The following AIM2 variants were observed in gnomAD, a reference collection of about 807,000 sequenced individuals.
The protein encoded by AIM2 is interferon-inducible protein AIM2.
A neutral mutation model predicts 27.7 loss-of-function variants in AIM2; 30 were observed. The ratio of observed to expected loss-of-function variants is 1.08; its 90% CI spans 0.81 to 1.47. AIM2 has a LOEUF of 1.47. AIM2 is among the 40% of genes most tolerant of loss of function. The probability of loss-of-function intolerance (pLI) is 0.00; values close to 1 mark genes in which losing one functional copy is unlikely to be tolerated. For missense variants in AIM2, 358 were observed against 411.3 expected, an observed-to-expected ratio of 0.87 and a Z score of 1.12; for synonymous variants, 141 against 145.3, an observed-to-expected ratio of 0.97 and a Z score of 0.21.
At chr1:159,073,157 C>A in intron 2 of AIM2, 81 bp downstream of exon 2, 1 of 1,547,046 alleles carries the variant, frequency 6.5e-7, no homozygotes, top group South Asian at 1.2e-5. Context: ...CACTGGGGGT[C>A]ATATCCCAGG....
At chr1:159,141,607 T>C (rs1408974826), upstream of AIM2, among the ~76,000 whole-genome samples, 2 of 152,050 alleles carry the variant, frequency 1.3e-5, no homozygotes, top group Non-Finnish European at 2.9e-5. Flanking sequence ...ACCTGCCAGG[T>C]GACCATCTCT....
At chr1:159,134,441 T>C (rs1219095055) in intron 1 of AIM2, among the ~76,000 whole-genome samples, 1 of 152,264 alleles carries the variant, frequency 6.6e-6, no homozygotes, top group East Asian at 1.9e-4. Flanking sequence ...AGAAAAAGCT[T>C]ACAGGGAATA....
chr1:159,131,654 C>A (rs970063362), intron 1 of AIM2, among the ~76,000 whole-genome samples: 1 of 152,138 alleles, frequency 6.6e-6, no homozygotes, highest in African/African-American at 2.4e-5. Flanking sequence ...AAGACATATT[C>A]ATTTCAGTTG....
intron 1 of AIM2, among the ~76,000 whole-genome samples, chr1:159,134,780 T>G (rs1446797438): frequency 1.3e-5 from 2 of 152,122 alleles, no homozygotes; most frequent in African/African-American, 4.8e-5. Context: ...TGCAGTGAGC[T>G]GAGATCGCGA....
chr1:159,101,194 C>G (rs2814760), intron 1 of AIM2, among the ~76,000 whole-genome samples: 28 of 149,990 alleles, frequency 1.9e-4, no homozygotes, highest in East Asian at 1.2e-3. Flanking sequence ...GGGCAGGGGG[C>G]GGGGGTGGTT....
chr1:159,137,387 TG>T, intron 1 of AIM2, among the ~76,000 whole-genome samples: 1 of 152,164 alleles, frequency 6.6e-6, no homozygotes, highest in Non-Finnish European at 1.5e-5. Context: ...CTGGGCGTGG[TG>T]GCTCACACCT....
chr1:159,142,729 T>C (rs1648137957), upstream of AIM2, among the ~76,000 whole-genome samples: 1 of 152,196 alleles, frequency 6.6e-6, no homozygotes, highest in Non-Finnish European at 1.5e-5. Context: ...AAGCCTCTCA[T>C]AGAAGACAAT....
rs560607485 is a variant in AIM2, at chr1:159,107,306, A to G, written c.-16+33125T>C. 1.9e-3 allele frequency among the ~76,000 whole-genome samples: 275 copies of G among 147,966 alleles called. 2 individuals are homozygous for G. The highest frequency in any genetic ancestry group is 6.4e-3 in the African/African-American group (257 of 40,436). The stretch of plus-strand genomic sequence containing the variant: ...TAAATCAACAGATGTACATGTGTGT[A>G]TGTGTGTGTGTGTGTGTGTGTGTGT... On this transcript the variant is annotated intron_variant, in intron 1 of 2. Transcript: ENST00000368129.
At chr1:159,128,133 T>C (rs1382401062) in intron 1 of AIM2, among the ~76,000 whole-genome samples, 1 of 152,180 alleles carries the variant, frequency 6.6e-6, no homozygotes, top group Non-Finnish European at 1.5e-5. Context: ...TCCCCATCTC[T>C]CAGCACAGTG....
chr1:159,106,323 C>T (rs570278161), intron 1 of AIM2, among the ~76,000 whole-genome samples: 83 of 152,358 alleles, frequency 5.4e-4, no homozygotes, highest in Non-Finnish European at 1.8e-4. Context: ...GCCTCCCCTG[C>T]TACAGCCAGC....
At chr1:159,140,402 C>T (rs1299875718) in intron 1 of AIM2, 1 of 152,228 alleles carries the variant, frequency 6.6e-6, no homozygotes, top group East Asian at 1.9e-4. Flanking sequence ...CTCCAGGGTC[C>T]TCCTATCTAC....
At chr1:159,061,661 T>C (rs1392433542), downstream of AIM2, among the ~76,000 whole-genome samples, 2 of 143,806 alleles carry the variant, frequency 1.4e-5, no homozygotes, top group Non-Finnish European at 3.0e-5. Context: ...CGCCAGGGCC[T>C]CCCAAAGTGC....
intron 1 of AIM2, chr1:159,122,106 T>C (rs1336602833): frequency 1.3e-5 from 2 of 152,190 alleles, no homozygotes; most frequent in Non-Finnish European, 2.9e-5. Flanking sequence ...CAGATCTCAA[T>C]TTGCAGAACA....
intron 1 of AIM2, among the ~76,000 whole-genome samples, chr1:159,109,853 T>G (rs1343679909): frequency 6.6e-6 from 1 of 152,072 alleles, no homozygotes; most frequent in Non-Finnish European, 1.5e-5. Context: ...AAAACCACAA[T>G]GTGACATCAC....
chr1:159,132,194 C>CAAAAAA (rs71086905), intron 1 of AIM2: 22 of 99,410 alleles, frequency 2.2e-4, no homozygotes, highest in Non-Finnish European at 3.4e-4. Context: ...CTAGAAATAC[C>CAAAAAA]AAAAAAAAAA....
rs1657265752 is a variant in AIM2, at chr1:159,099,407, C to A, written c.-15-33078G>T. 3.9e-5 allele frequency among the ~76,000 whole-genome samples: 6 copies of A among 152,282 alleles called. No individual in the cohort carries two copies. The South Asian group carries it at 1.2e-3, about 32-fold the overall frequency. ...AAAGAAACTAGAGGTGAAAGCAATG[C>A]AGGTGAAAATGCATAGATGTGAGAT... On this transcript the variant is annotated intron_variant, in intron 1 of 2. Transcript: ENST00000368129.
At chr1:159,075,842 A>T (rs191280987) in intron 1 of AIM2, among the ~76,000 whole-genome samples, 31 of 152,308 alleles carry the variant, frequency 2.0e-4, no homozygotes, top group Non-Finnish European at 4.3e-4. Context: ...AGAACAGGAA[A>T]AGATGTTTAT....
intron 1 of AIM2, among the ~76,000 whole-genome samples, chr1:159,114,935 C>T (rs1250144125): frequency 6.6e-6 from 1 of 152,114 alleles, no homozygotes; most frequent in African/African-American, 2.4e-5. Context: ...TAGAAAACCC[C>T]ATCGTCTCAG....
intron 1 of AIM2, among the ~76,000 whole-genome samples, chr1:159,136,361 C>T (rs1648009415): frequency 1.3e-5 from 2 of 152,156 alleles, no homozygotes; most frequent in Non-Finnish European, 2.9e-5. Flanking sequence ...GACAATTTTA[C>T]AGCTTACCCT....
Sources: allele counts gnomAD v4.1 joint callset (sites outside exome capture counted in the v4.1 genomes callset), GRCh38; gene constraint gnomAD v4.1.1; transcripts MANE v1.5; gene names NCBI Gene and HGNC (gene_info 2026-07-23, HGNC 2026-07-21).